Variants in RNGTT observed in about 807,000 individuals in gnomAD.
RNGTT encodes RNA guanylyltransferase and 5'-phosphatase, also known as mRNA-capping enzyme.
Under a neutral mutation model 79.3 loss-of-function variants are expected in RNGTT, and 33 were observed. The ratio of observed to expected loss-of-function variants is 0.42; its 90% CI spans 0.32 to 0.56. The LOEUF is 0.56. Among genes scored for constraint, RNGTT ranks in the 20% least tolerant of loss-of-function variants. The pLI is 0.17. For synonymous variants in RNGTT, 222 were observed against 235.9 expected, an observed-to-expected ratio of 0.94 and a Z score of 0.54; for missense variants, 497 against 739.1, an observed-to-expected ratio of 0.67 and a Z score of 3.80.
chr6:88,833,307 A>G (rs1444040924), intron 11 of RNGTT, among the ~76,000 whole-genome samples: 1 of 152,184 alleles, frequency 6.6e-6, no homozygotes, highest in African/African-American at 2.4e-5. Flanking sequence ...CATCATTCTC[A>G]GCAAACTAGC....
intron 2 of RNGTT, among the ~76,000 whole-genome samples, chr6:88,930,576 C>T (rs774943465): frequency 1.5e-4 from 23 of 151,998 alleles, no homozygotes; most frequent in Middle Eastern, 3.4e-3. Flanking sequence ...TTCTGTAAAA[C>T]GAACGCATAT....
intron 8 of RNGTT, among the ~76,000 whole-genome samples, chr6:88,887,110 G>T (rs936505598): frequency 1.3e-5 from 2 of 149,718 alleles, no homozygotes; most frequent in African/African-American, 2.5e-5. Context: ...CTCAGGCCTT[G>T]GTCAGGCTAA....
At chr6:88,891,427 T>C (rs1051880342) in intron 7 of RNGTT, among the ~76,000 whole-genome samples, 2 of 152,144 alleles carry the variant, frequency 1.3e-5, no homozygotes, top group Non-Finnish European at 2.9e-5. Context: ...TCACTGCTTA[T>C]ATTTAAAGCT....
intron 4 of RNGTT, among the ~76,000 whole-genome samples, chr6:88,915,548 T>C (rs1365932858): frequency 6.6e-6 from 1 of 152,168 alleles, no homozygotes; most frequent in South Asian, 2.1e-4. Context: ...TTCTCACTTA[T>C]AAGCTGGAGC....
intron 9 of RNGTT, 146 bp downstream of exon 9, chr6:88,853,483 C>T (rs966082845): frequency 4.9e-5 from 27 of 548,620 alleles, no homozygotes; most frequent in East Asian, 2.7e-4. Context: ...CCAGCCTGGG[C>T]GACAGAGCGA....
chr6:88,685,584 G>A (rs903044533), intron 13 of RNGTT, among the ~76,000 whole-genome samples: 4 of 151,262 alleles, frequency 2.6e-5, no homozygotes, highest in African/African-American at 9.7e-5. Context: ...AAGGGAAGGG[G>A]AAAGGGAAGA....
intron 13 of RNGTT, among the ~76,000 whole-genome samples, chr6:88,748,314 T>C (rs1252552715): frequency 6.6e-6 from 1 of 152,094 alleles, no homozygotes; most frequent in Non-Finnish European, 1.5e-5. Flanking sequence ...TACTTCTCTC[T>C]CCCTCCTTCA....
intron 13 of RNGTT, among the ~76,000 whole-genome samples, chr6:88,759,462 C>T (rs987382600): frequency 1.3e-5 from 2 of 152,132 alleles, no homozygotes; most frequent in African/African-American, 4.8e-5. Context: ...GCTTATAGGT[C>T]CTGTCAGTGG....
intron 11 of RNGTT, among the ~76,000 whole-genome samples, chr6:88,833,234 C>A (rs1042713161): frequency 1.3e-5 from 2 of 152,180 alleles, no homozygotes; most frequent in Non-Finnish European, 2.9e-5. Flanking sequence ...CCATGGAATA[C>A]TATGCAGCCA....
Position 88,853,639 on chromosome 6 carries a change from A to C in RNGTT, c.1022T>G (p.Leu341Arg). Residue 341 changes from leucine (L) to arginine (R), a missense_variant, in exon 9 of 16, where the codon CTC becomes CGC. This residue lies in a region of RNGTT where 440 missense variants were observed against 671.5 expected (regional missense o/e 0.66). Coordinates refer to ENST00000369485, the MANE Select transcript of RNGTT (RefSeq NM_003800.5). ...KDLRMHLSNT[L>R]LDGEMIIDRV... ...ATAAATATGACTTACGCCATCCAAG[A>C]GAGTATTTGATAAATGCATACGAAG... 6.3e-7 allele frequency: 1 copy of C among 1,581,778 alleles called. No homozygotes were observed. Among genetic ancestry groups the C allele is most frequent in the South Asian group, 1.1e-5 (1 of 88,046 alleles).
intron 13 of RNGTT, among the ~76,000 whole-genome samples, chr6:88,689,499 C>T (rs1775399644): frequency 1.3e-5 from 2 of 150,874 alleles, no homozygotes; most frequent in South Asian, 4.2e-4. Context: ...GAAGTTGAAG[C>T]AGGAGAATCA....
intron 1 of RNGTT, among the ~76,000 whole-genome samples, chr6:88,957,259 C>T (rs868794154): frequency 8.6e-4 from 131 of 152,278 alleles, no homozygotes; most frequent in African/African-American, 3.1e-3. Context: ...ACATGACCAA[C>T]ACTATACTGA....
rs533180477 is a variant in RNGTT, at chr6:88,844,337, A to T, written c.1269+20T>A. 163 of 1,557,240 alleles carry T rather than the reference A, an allele frequency of 1.0e-4. No individual in the cohort carries two copies. The highest frequency in any genetic ancestry group is 1.7e-4 in the Middle Eastern group (1 of 5,852). ...TATGAGACATTATTAGCACTAATTT[A>T]AAAAAAAATTAAACTTTACCTTTCT... is the stretch of plus-strand genomic sequence containing the variant. On this transcript the variant is annotated intron_variant, in intron 11 of 15. Transcript: ENST00000369485.
At chr6:88,942,433 G>A (rs1035626755) in intron 1 of RNGTT, among the ~76,000 whole-genome samples, 3 of 150,930 alleles carry the variant, frequency 2.0e-5, no homozygotes, top group Admixed American at 6.6e-5. Flanking sequence ...GTGCAGTGGC[G>A]TGATGTCAGC....
intron 11 of RNGTT, among the ~76,000 whole-genome samples, chr6:88,839,164 A>T (rs770753566): frequency 1.3e-5 from 2 of 152,172 alleles, no homozygotes; most frequent in Non-Finnish European, 2.9e-5. Flanking sequence ...TGCAACTGTT[A>T]AAGAGAAATG....
At chr6:88,797,107 G>A (rs1779625368) in intron 12 of RNGTT, among the ~76,000 whole-genome samples, 1 of 152,070 alleles carries the variant, frequency 6.6e-6, no homozygotes, top group Non-Finnish European at 1.5e-5. Flanking sequence ...ATGACATACA[G>A]ATTCTGAAAC....
rs145093780 is a variant in RNGTT at position 88,854,693 on chromosome 6, T to A, written c.897-929A>T. On this transcript the variant is annotated intron_variant, in intron 8 of 15. Coordinates refer to ENST00000369485, the MANE Select transcript of RNGTT (RefSeq NM_003800.5). ...ATTAAAATATTTTTAAACACAGCCA[T>A]AAGATTTTCAATTATCTCTTATCTT... 2.1e-3 allele frequency among the ~76,000 whole-genome samples: 315 copies of A among 152,334 alleles called. 2 individuals carry two copies. The highest frequency in any genetic ancestry group is 6.8e-3 in the African/African-American group (283 of 41,574).
intron 14 of RNGTT, among the ~76,000 whole-genome samples, chr6:88,617,201 C>T (rs1261520990): frequency 3.3e-5 from 5 of 152,272 alleles, no homozygotes; most frequent in South Asian, 2.1e-4. Flanking sequence ...ACCTGGGAGG[C>T]GGAGCTTGCA....
At chr6:88,903,690 C>T (rs1397779131) in intron 6 of RNGTT, among the ~76,000 whole-genome samples, 1 of 152,214 alleles carries the variant, frequency 6.6e-6, no homozygotes, top group East Asian at 1.9e-4. Flanking sequence ...ACTAACAAAG[C>T]ATTTACTTCC....
Sources: gnomAD v4.1 joint callset for allele counts (sites outside exome capture counted in the v4.1 genomes callset) on GRCh38, gnomAD v4.1.1 for gene constraint, gnomAD v4.1.1 regional missense constraint, MANE v1.5 for transcripts, NCBI Gene and HGNC (gene_info 2026-07-23, HGNC 2026-07-21) for gene names.